Variants in ABTB3 observed in about 807,000 individuals in gnomAD.
ABTB3 encodes ankyrin repeat and BTB domain containing 3.
the ABTB3 span, among the ~76,000 whole-genome samples, chr12:107,397,028 G>A: frequency 2.6e-5 from 4 of 152,194 alleles, no homozygotes; most frequent in African/African-American, 7.2e-5. Context: ...CATTCATTTT[G>A]ATCACTACGT....
At chr12:107,383,016 C>G in the ABTB3 span, among the ~76,000 whole-genome samples, 2 of 152,106 alleles carry the variant, frequency 1.3e-5, no homozygotes, top group East Asian at 3.9e-4. Flanking sequence ...CCTGCTGTGT[C>G]CCCTCACCTC....
At chr12:107,491,839 A>AAAC in the ABTB3 span, among the ~76,000 whole-genome samples, 5 of 151,840 alleles carry the variant, frequency 3.3e-5, no homozygotes, top group South Asian at 2.1e-4. Context: ...AAAAAAAAAA[A>AAAC]AAACCCGGTT....
At chr12:107,542,155 C>CA in the ABTB3 span, among the ~76,000 whole-genome samples, 5 of 151,658 alleles carry the variant, frequency 3.3e-5, no homozygotes, top group South Asian at 2.1e-4. Flanking sequence ...ACTAAAAATA[C>CA]AAAAAAATTA....
At chr12:107,469,916 TTCTTTCTC>T in the ABTB3 span, among the ~76,000 whole-genome samples, 19 of 110,692 alleles carry the variant, frequency 1.7e-4, no homozygotes, top group East Asian at 1.1e-3. Context: ...CTTTCTTTCT[TTCTTTCTC>T]TCTCTCTCTC....
At chr12:107,384,697 C>G in the ABTB3 span, among the ~76,000 whole-genome samples, 9 of 152,130 alleles carry the variant, frequency 5.9e-5, no homozygotes, top group Non-Finnish European at 1.0e-4. Flanking sequence ...CTTTGTACCC[C>G]CACACCAACT....
the ABTB3 span, among the ~76,000 whole-genome samples, chr12:107,334,541 G>A: frequency 6.6e-6 from 1 of 152,178 alleles, no homozygotes. Flanking sequence ...ACTCCAGCTT[G>A]GGACATGCAA....
the ABTB3 span, among the ~76,000 whole-genome samples, chr12:107,351,749 A>C: frequency 2.6e-5 from 4 of 152,120 alleles, no homozygotes; most frequent in African/African-American, 9.7e-5. Flanking sequence ...TGAGCCAAAT[A>C]AATTTCTGTT....
chr12:107,411,430 G>A, the ABTB3 span, among the ~76,000 whole-genome samples: 1 of 152,258 alleles, frequency 6.6e-6, no homozygotes, highest in Non-Finnish European at 1.5e-5. Context: ...GGGGTATTAT[G>A]TGAATCAAAT....
At chr12:107,460,701 G>A in the ABTB3 span, among the ~76,000 whole-genome samples, 1 of 152,160 alleles carries the variant, frequency 6.6e-6, no homozygotes, top group Non-Finnish European at 1.5e-5. Context: ...CTCCCTCAGA[G>A]GGGCCACGGT....
chr12:107,460,043 A>G, the ABTB3 span, among the ~76,000 whole-genome samples: 2 of 152,240 alleles, frequency 1.3e-5, no homozygotes, highest in Non-Finnish European at 1.5e-5. Context: ...GCCCTGCTAC[A>G]TCAGTGTTCT....
the ABTB3 span, chr12:107,657,628 C>G: frequency 6.2e-7 from 1 of 1,614,116 alleles, no homozygotes; most frequent in Non-Finnish European, 8.5e-7. Context: ...GTGAAGGGAC[C>G]GGCCAGGATG....
the ABTB3 span, among the ~76,000 whole-genome samples, chr12:107,447,593 A>G: frequency 2.6e-5 from 4 of 152,210 alleles, no homozygotes; most frequent in Non-Finnish European, 5.9e-5. Context: ...TCTTGCCTGC[A>G]ACTGGGATGT....
At chr12:107,453,076 G>T in the ABTB3 span, among the ~76,000 whole-genome samples, 2 of 152,160 alleles carry the variant, frequency 1.3e-5, no homozygotes, top group Non-Finnish European at 1.5e-5. Context: ...CAGAGGGAAA[G>T]GTCTAGGGAA....
the ABTB3 span, among the ~76,000 whole-genome samples, chr12:107,367,252 GA>G: frequency 6.6e-6 from 1 of 152,166 alleles, no homozygotes; most frequent in Non-Finnish European, 1.5e-5. Flanking sequence ...ATTGTGAAGT[GA>G]AAACCCATCC....
the ABTB3 span, chr12:107,520,228 G>A: frequency 1.0e-6 from 1 of 985,396 alleles, no homozygotes; most frequent in Non-Finnish European, 1.2e-6. Flanking sequence ...TCTGTTTTGT[G>A]TTCTTTGGAA....
the ABTB3 span, among the ~76,000 whole-genome samples, chr12:107,605,673 C>CT: frequency 1.1e-4 from 17 of 152,282 alleles, no homozygotes; most frequent in Admixed American, 3.3e-4. Context: ...TAACATGGTT[C>CT]TATTTATGTT....
At chr12:107,511,087 G>T in the ABTB3 span, among the ~76,000 whole-genome samples, 93 of 152,272 alleles carry the variant, frequency 6.1e-4, no homozygotes, top group Admixed American at 4.2e-3. Context: ...CTATGCCCAA[G>T]AAACCCCCAG....
At chr12:107,525,551 C>G in the ABTB3 span, among the ~76,000 whole-genome samples, 1 of 152,184 alleles carries the variant, frequency 6.6e-6, no homozygotes, top group African/African-American at 2.4e-5. Flanking sequence ...GTGCAGTAGG[C>G]TCTGCCCCTA....
At chr12:107,336,524 C>T in the ABTB3 span, among the ~76,000 whole-genome samples, 1 of 152,166 alleles carries the variant, frequency 6.6e-6, no homozygotes, top group Non-Finnish European at 1.5e-5. Flanking sequence ...GGGGATAAAA[C>T]AGAATGACGT....
Sources: allele counts gnomAD v4.1 joint callset (sites outside exome capture counted in the v4.1 genomes callset), GRCh38; gene constraint gnomAD v4.1.1; transcripts MANE v1.5; gene names NCBI Gene and HGNC (gene_info 2026-07-23, HGNC 2026-07-21).